FREM1: variants seen among roughly 807,000 people sequenced by gnomAD.
FREM1 encodes FRAS1-related extracellular matrix protein 1.
Under a neutral mutation model 210.1 loss-of-function variants are expected in FREM1, and 220 were observed. That is an observed-to-expected ratio of 1.05 (90% confidence interval 0.94 to 1.17). The LOEUF (loss-of-function observed/expected upper bound fraction) is 1.17, where lower values mean the gene tolerates loss of function less well. Ranked by LOEUF, FREM1 falls within the 50% of genes most tolerant of loss-of-function variation. The pLI, the probability that FREM1 is intolerant of heterozygous loss-of-function variation, is 0.00. For synonymous variants in FREM1, 1,189 were observed against 980.2 expected (o/e 1.21, Z -3.98); for missense variants, 3,454 against 2,675.5 (o/e 1.29, Z -6.42).
chr9:14,857,609 C>T lies in FREM1; in HGVS notation c.772G>A (p.Asp258Asn). The T allele has an allele frequency of 1.2e-6, 2 of 1,613,846 alleles. No individual in the cohort carries two copies. Among genetic ancestry groups the T allele is most frequent in the Non-Finnish European group, 1.7e-6 (2 of 1,179,866 alleles). Residue 258 changes from aspartate to asparagine, a missense_variant, in exon 5 of 37, where the codon GAT becomes AAT. Physicochemically the swap from Asp to Asn is conservative, Grantham distance 23. Transcript: ENST00000380880. Reference protein sequence around the residue: ...QHLDPPSPNIDYISIQLDLTD... With the variant: ...QHLDPPSPNINYISIQLDLTD... Reference sequence around the variant, plus strand: ...AGGTCCAGTTGGATGGAGATATAATCAATGTTGGGTGAAGGGGGATCCAGA... The same window carrying T: ...AGGTCCAGTTGGATGGAGATATAATTAATGTTGGGTGAAGGGGGATCCAGA...
chr9:14,790,365 C>T (rs1494348), intron 22 of FREM1, among the ~76,000 whole-genome samples: 45,320 of 151,960 alleles, frequency 0.3, 7,084 homozygotes, highest in Middle Eastern at 0.43. Flanking sequence ...TCTGCCCTCA[C>T]GCTCACTGGA....
intron 15 of FREM1, among the ~76,000 whole-genome samples, chr9:14,815,760 G>A (rs1179441036): frequency 6.6e-6 from 1 of 152,108 alleles, no homozygotes; most frequent in Non-Finnish European, 1.5e-5. Flanking sequence ...CGATTCTCCT[G>A]CCTCAGCCTC....
At chr9:14,860,934 TAC>T (rs1327168678) in intron 3 of FREM1, among the ~76,000 whole-genome samples, 4 of 114,768 alleles carry the variant, frequency 3.5e-5, no homozygotes, top group Admixed American at 9.8e-5. Flanking sequence ...TATACACATA[TAC>T]ACACATATAC....
At position 14,812,861 on chromosome 9, in the gene FREM1, C is replaced by T. The variant is rs376473065; in HGVS notation, c.2844G>A (p.Gln948=). 1.2e-6 allele frequency: 2 copies of T among 1,613,806 alleles called. No homozygotes were observed. Among genetic ancestry groups the T allele is most frequent in the Admixed American group, 1.7e-5 (1 of 60,016 alleles). The change falls in exon 16 of 37, where the codon CAG becomes CAA. Residue 948 remains glutamine, a synonymous_variant. Transcript: ENST00000380880. The part of the protein sequence containing the change: ...VVRRAGVTVD[Q]FSQRDVISEA... ...CTGAGATAACATCTCTCTGAGAGAA[C>T]TGATCCACTGTGACTCCAGCTCTCC... is the stretch of plus-strand genomic sequence containing the variant.
Position 14,896,288 on chromosome 9 carries a change from G to A in FREM1, c.-268+13626C>T, listed in dbSNP as rs373752166. Among the ~76,000 whole-genome samples, 18 of 152,284 alleles carry A rather than the reference G, an allele frequency of 1.2e-4. No individual in the cohort carries two copies. The East Asian group carries it at 1.4e-3, about 11-fold the overall frequency. On this transcript the variant is annotated intron_variant, in intron 1 of 36. Transcript: ENST00000380880. ...GGGCTGGGCCCCGTGGCTCATGCCT[G>A]TAATCCCAACACTTTGGGAGGCCGA...
chr9:14,879,001 A>G (rs959777091), intron 1 of FREM1, among the ~76,000 whole-genome samples: 1 of 152,050 alleles, frequency 6.6e-6, no homozygotes, highest in African/African-American at 2.4e-5. Context: ...TACTAAAAAT[A>G]TGAAAATTAG....
intron 1 of FREM1, among the ~76,000 whole-genome samples, chr9:14,895,615 T>G (rs575036549): frequency 6.6e-6 from 1 of 152,026 alleles, no homozygotes; most frequent in Non-Finnish European, 1.5e-5. Flanking sequence ...ATTTACTTAT[T>G]TTGCCTTACT....
At position 14,834,759 on chromosome 9, in the gene FREM1, T is replaced by C. The variant is rs533240708; in HGVS notation, c.1881+6688A>G. On this transcript the variant is annotated intron_variant, in intron 10 of 36. Coordinates refer to ENST00000380880, the MANE Select transcript of FREM1 (RefSeq NM_001379081.2). ...TGTCCAATCTTTTTTAAGTTATATTTTGGTGAACACTAATATATGTTCAAA... is the reference window on the plus strand; with the variant it reads ...TGTCCAATCTTTTTTAAGTTATATTCTGGTGAACACTAATATATGTTCAAA... Among the ~76,000 whole-genome samples the C allele has an allele frequency of 8.5e-5, 13 of 152,292 alleles. No individual in the cohort carries two copies. The East Asian group carries it at 2.3e-3, about 27-fold the overall frequency.
At chr9:14,865,754 G>A (rs1190652982) in intron 2 of FREM1, among the ~76,000 whole-genome samples, 2 of 151,642 alleles carry the variant, frequency 1.3e-5, no homozygotes, top group Non-Finnish European at 2.9e-5. Flanking sequence ...CGAACCCCTA[G>A]GGAAGGACTG....
chr9:14,788,932 C>A lies in FREM1; in HGVS notation c.4164G>T (p.Lys1388Asn). 6.2e-7 allele frequency: 1 copy of A among 1,611,900 alleles called. No individual in the cohort carries two copies. The highest frequency in any genetic ancestry group is 1.3e-5 in the African/African-American group (1 of 75,014). The change falls in exon 23 of 37, where the codon AAG becomes AAT. Residue 1388 changes from lysine to asparagine, a missense_variant. Transcript: ENST00000380880. Reference protein sequence around the residue: ...SPALDCQITIKDMEKGDIVIL... With the variant: ...SPALDCQITINDMEKGDIVIL... ...ACGTGCTTTTACCTTTTTCCATGTC[C>A]TTGATGGTGATTTGACAGTCAAGAG...
intron 2 of FREM1, among the ~76,000 whole-genome samples, chr9:14,867,898 A>C (rs1417460578): frequency 5.3e-5 from 8 of 152,170 alleles, no homozygotes; most frequent in Non-Finnish European, 1.2e-4. Context: ...CTTTAAGCAA[A>C]AACAGTGTTA....
In FREM1 at chr9:14,910,405, C is replaced by G. The variant is rs1449332415; in HGVS notation, c.-759G>C. 1 of 152,368 alleles carries G rather than the reference C, an allele frequency of 6.6e-6. No homozygotes were observed. The highest frequency in any genetic ancestry group is 1.5e-5 in the Non-Finnish European group (1 of 68,176). 9.4% of individuals were successfully genotyped at this position (152,368 alleles called of 1,614,324 possible). A position where few individuals can be genotyped will look rare whatever the true frequency, so the allele number is the denominator to read the frequency against. On this transcript the variant is annotated 5_prime_UTR_variant, in exon 1 of 37. Transcript: ENST00000380880. Reference sequence around the variant, plus strand: ...CTCTTCCCAGTCTCTTCCCAGCTTCCTTTCTCACTACTAGTTTTGTACTAA... The same window carrying G: ...CTCTTCCCAGTCTCTTCCCAGCTTCGTTTCTCACTACTAGTTTTGTACTAA...
At position 14,804,956 on chromosome 9, in the gene FREM1, A is replaced by T. The variant is rs755295018; in HGVS notation, c.3471T>A (p.Thr1157=). The T allele has an allele frequency of 1.2e-6, 2 of 1,600,200 alleles. No homozygotes were observed. The highest frequency in any genetic ancestry group is 1.7e-6 in the Non-Finnish European group (2 of 1,168,494). ...EAPDFVVQNI[T]VCEGQMKELD... ...TGGAACATTTGGATATGTTTCTTAC[A>T]GTAATATTCTGCACTACAAAGTCAG... Residue 1157 remains threonine (T), a splice_region_variant and synonymous_variant, in exon 19 of 37, where the codon ACT becomes ACA. Coordinates refer to ENST00000380880, the MANE Select transcript of FREM1 (RefSeq NM_001379081.2).
chr9:14,795,953 C>T (rs1226081914), intron 21 of FREM1, among the ~76,000 whole-genome samples: 4 of 152,124 alleles, frequency 2.6e-5, no homozygotes, highest in African/African-American at 4.8e-5. Flanking sequence ...TACTGTAATA[C>T]TATGACAGCC....
At chr9:14,907,574 T>C (rs551659499) in intron 1 of FREM1, among the ~76,000 whole-genome samples, 11 of 152,288 alleles carry the variant, frequency 7.2e-5, no homozygotes, top group Non-Finnish European at 1.6e-4. Flanking sequence ...CTATGTAACC[T>C]GGCGCAGGGA....
chr9:14,898,330 A>C (rs1032450511), intron 1 of FREM1, among the ~76,000 whole-genome samples: 14 of 152,234 alleles, frequency 9.2e-5, no homozygotes, highest in African/African-American at 3.4e-4. Context: ...GCTCAGCCAA[A>C]GTTAGTTCCC....
chr9:14,908,431 G>A (rs534585189), intron 1 of FREM1, among the ~76,000 whole-genome samples: 91 of 152,158 alleles, frequency 6.0e-4, no homozygotes, highest in Non-Finnish European at 1.1e-3. Flanking sequence ...TTAGCCATGC[G>A]GGGGCAGATC....
intron 1 of FREM1, among the ~76,000 whole-genome samples, chr9:14,899,381 T>C (rs1460659315): frequency 2.0e-5 from 3 of 152,146 alleles, no homozygotes; most frequent in African/African-American, 7.2e-5. Flanking sequence ...TTTGGCAGAA[T>C]TTGGGGGTGG....
intron 35 of FREM1, among the ~76,000 whole-genome samples, chr9:14,746,132 G>C (rs561957199): frequency 4.1e-4 from 62 of 152,192 alleles, no homozygotes; most frequent in Non-Finnish European, 7.6e-4. Context: ...AAAAGTAATG[G>C]CAAAAACTGC....
Sources: allele counts gnomAD v4.1 joint callset (sites outside exome capture counted in the v4.1 genomes callset), GRCh38; gene constraint gnomAD v4.1.1; transcripts MANE v1.5; gene names NCBI Gene and HGNC (gene_info 2026-07-23, HGNC 2026-07-21).